MTUS2: variants seen among roughly 807,000 people sequenced by gnomAD.
MTUS2 encodes microtubule-associated tumor suppressor candidate 2.
MTUS2 carries 40 observed loss-of-function variants against 114.1 expected under a neutral mutation model. The observed-to-expected ratio is 0.35, with a 90% CI of 0.27 to 0.46. The LOEUF (loss-of-function observed/expected upper bound fraction) is 0.46, where lower values mean the gene tolerates loss of function less well. MTUS2 is among the 20% of genes least tolerant of loss of function. MTUS2 has a pLI of 1.00. For missense variants in MTUS2, 1,679 were observed against 1,705.4 expected, an observed-to-expected ratio of 0.98 and a Z score of 0.27; for synonymous variants, 688 against 672.0, an observed-to-expected ratio of 1.02 and a Z score of -0.37.
chr13:29,178,486 T>A (rs1430114823), intron 5 of MTUS2, among the ~76,000 whole-genome samples: 1 of 152,142 alleles, frequency 6.6e-6, no homozygotes, highest in Admixed American at 6.5e-5. Context: ...TACTGGAGTT[T>A]TGGGCAAGAT....
At chr13:29,213,140 G>A (rs201888196) in intron 5 of MTUS2, among the ~76,000 whole-genome samples, 1,418 of 95,222 alleles carry the variant, frequency 0.015, no homozygotes, top group East Asian at 0.061. Context: ...TCAGCAAAGT[G>A]CAAGGCTTTT....
chr13:29,075,541 G>T (rs1565994711), intron 4 of MTUS2, among the ~76,000 whole-genome samples: 2 of 152,160 alleles, frequency 1.3e-5, no homozygotes, highest in Non-Finnish European at 1.5e-5. Flanking sequence ...TAAAAAGTTT[G>T]TGAGTCTGCT....
chr13:29,190,970 G>C (rs889833695), intron 5 of MTUS2, among the ~76,000 whole-genome samples: 2 of 152,140 alleles, frequency 1.3e-5, no homozygotes, highest in Non-Finnish European at 2.9e-5. Flanking sequence ...ACATAGGCAT[G>C]CTCCTTATAA....
intron 9 of MTUS2, among the ~76,000 whole-genome samples, chr13:29,444,311 C>A: frequency 6.6e-6 from 1 of 152,162 alleles, no homozygotes; most frequent in East Asian, 1.9e-4. Flanking sequence ...TGCCTGTAAT[C>A]CCAGCTAGTG....
At chr13:29,387,282 A>C (rs1364773838) in intron 8 of MTUS2, among the ~76,000 whole-genome samples, 4 of 152,196 alleles carry the variant, frequency 2.6e-5, no homozygotes, top group Admixed American at 6.5e-5. Context: ...TGAGAGCTGA[A>C]CAATCCGTTG....
chr13:29,159,553 G>A (rs1043640716), intron 5 of MTUS2, among the ~76,000 whole-genome samples: 1 of 151,826 alleles, frequency 6.6e-6, no homozygotes, highest in Admixed American at 6.6e-5. Flanking sequence ...TACCCTAAGA[G>A]GATGAAAATA....
At chr13:29,031,391 T>C (rs1055067109) in intron 3 of MTUS2, among the ~76,000 whole-genome samples, 12 of 151,910 alleles carry the variant, frequency 7.9e-5, no homozygotes, top group African/African-American at 2.9e-4. Context: ...ATAGAGAGGG[T>C]ACATCACATA....
At chr13:29,267,562 T>G (rs568157322) in intron 5 of MTUS2, among the ~76,000 whole-genome samples, 1 of 152,318 alleles carries the variant, frequency 6.6e-6, no homozygotes, top group Admixed American at 6.5e-5. Context: ...AATAAATGCA[T>G]GAATTGAATA....
intron 6 of MTUS2, among the ~76,000 whole-genome samples, chr13:29,295,995 C>T (rs1204936960): frequency 6.6e-6 from 1 of 152,112 alleles, no homozygotes; most frequent in African/African-American, 2.4e-5. Context: ...TGGGTGGGGA[C>T]ACAGCCAAAC....
At chr13:28,984,233 G>A (rs1208858218) in intron 2 of MTUS2, among the ~76,000 whole-genome samples, 1 of 152,152 alleles carries the variant, frequency 6.6e-6, no homozygotes, top group East Asian at 1.9e-4. Flanking sequence ...GAAGAATTAG[G>A]GGAAGGGTGC....
intron 2 of MTUS2, among the ~76,000 whole-genome samples, chr13:29,009,562 T>A (rs919703518): frequency 1.3e-5 from 2 of 152,134 alleles, no homozygotes; most frequent in East Asian, 3.8e-4. Context: ...TGCTAGTGGC[T>A]CGGGGAGAAT....
chr13:29,474,164 CA>C (rs1393407866), intron 9 of MTUS2, among the ~76,000 whole-genome samples: 1 of 152,068 alleles, frequency 6.6e-6, no homozygotes, highest in Non-Finnish European at 1.5e-5. Flanking sequence ...GCTATATGTG[CA>C]AAAAGTGATT....
At chr13:29,309,650 A>AT (rs1899658301) in intron 6 of MTUS2, among the ~76,000 whole-genome samples, 1 of 152,206 alleles carries the variant, frequency 6.6e-6, no homozygotes, top group Admixed American at 6.5e-5. Flanking sequence ...CAACATGTGA[A>AT]TTTTTGAGTG....
At chr13:29,491,943 G>A (rs1566235478) in intron 11 of MTUS2, among the ~76,000 whole-genome samples, 1 of 149,502 alleles carries the variant, frequency 6.7e-6, no homozygotes, top group Non-Finnish European at 1.5e-5. Context: ...AGGTGTGTGT[G>A]TGGCATGTAG....
At chr13:29,152,934 T>C (rs2139045455) in intron 5 of MTUS2, among the ~76,000 whole-genome samples, 1 of 152,282 alleles carries the variant, frequency 6.6e-6, no homozygotes, top group African/African-American at 2.4e-5. Flanking sequence ...AGGGAGGAAT[T>C]TCCTAAAAGT....
chr13:28,841,627 G>C (rs75277524), intron 2 of MTUS2, among the ~76,000 whole-genome samples: 4,974 of 152,140 alleles, frequency 0.033, 217 homozygotes, highest in African/African-American at 0.098. Flanking sequence ...GATATTCAAG[G>C]GGCCTCCTCT....
Position 29,503,328 on chromosome 13 carries a change from C to T in MTUS2, c.*122C>T. On this transcript the variant is annotated 3_prime_UTR_variant, in exon 16 of 16. Transcript: ENST00000612955. ...CATGCTCAGTAGCTGCGAATGCATC[C>T]TAGGCGCGTCCTCCTCTGATCCCCG... The T allele has an allele frequency of 9.3e-7, 1 of 1,078,948 alleles. No individual in the cohort carries two copies. Among genetic ancestry groups the T allele is most frequent in the South Asian group, 1.4e-5 (1 of 69,282 alleles). The allele number at this position is 1,078,948 out of a possible 1,614,324, so 66.8% of individuals were successfully genotyped here.
rs555162715 is a variant in MTUS2 at position 29,178,122 on chromosome 13, A to G, written c.2644+77152A>G. 6.6e-5 allele frequency among the ~76,000 whole-genome samples: 10 copies of G among 152,246 alleles called. No homozygotes were observed. In the South Asian group the frequency reaches 8.3e-4, roughly 13 times the overall value. On this transcript the variant is annotated intron_variant, in intron 5 of 15. Transcript: ENST00000612955. ...CCTTGGTTTGCTTAGATGGGCTCATATTTGTAGAATTTACAGCGAACTACC... is the reference window on the plus strand; with the variant it reads ...CCTTGGTTTGCTTAGATGGGCTCATGTTTGTAGAATTTACAGCGAACTACC...
chr13:29,433,477 A>T (rs1428954682), intron 8 of MTUS2, among the ~76,000 whole-genome samples: 2 of 152,196 alleles, frequency 1.3e-5, no homozygotes, highest in Non-Finnish European at 2.9e-5. Context: ...AATAATACTT[A>T]TTGATTAACT....
Sources: gnomAD v4.1 joint callset for allele counts (sites outside exome capture counted in the v4.1 genomes callset) on GRCh38, gnomAD v4.1.1 for gene constraint, MANE v1.5 for transcripts, NCBI Gene and HGNC (gene_info 2026-07-23, HGNC 2026-07-21) for gene names.